ZNF264: variants seen among roughly 807,000 people sequenced by gnomAD.
The protein encoded by ZNF264 is zinc finger protein 264.
ZNF264 carries 11 observed loss-of-function variants against 11.2 expected under a neutral mutation model. The ratio of observed to expected loss-of-function variants is 0.98; its 90% CI spans 0.62 to 1.63. The LOEUF is 1.63. ZNF264 is among the 40% of genes most tolerant of loss of function. The probability of loss-of-function intolerance (pLI) is 0.00; values close to 1 mark genes in which losing one functional copy is unlikely to be tolerated. For synonymous variants in ZNF264, 309 were observed against 279.8 expected (o/e 1.10, Z -1.04); for missense variants, 752 against 768.1 (o/e 0.98, Z 0.25).
In ZNF264 at chr19:57,211,493, A is replaced by G. The variant is rs755627057; in HGVS notation, c.396A>G (p.Leu132=). The G allele has an allele frequency of 2.2e-5, 36 of 1,614,124 alleles. 1 individual carries two copies. Among genetic ancestry groups the G allele is most frequent in the Middle Eastern group, 1.6e-4 (1 of 6,062 alleles). ...QLGQAEDQDG[L]SEMQEGHFRP... is the part of the protein sequence containing the mutation. ...GGCAAGCCGAGGATCAGGATGGGCT[A>G]TCAGAAATGCAGGAAGGACACTTCA... The change falls in exon 4 of 4, where the codon CTA becomes CTG. Residue 132 remains leucine, a synonymous_variant. Coordinates refer to ENST00000263095, the MANE Select transcript of ZNF264 (RefSeq NM_003417.5).
chr19:57,191,590 G>T lies in ZNF264; in HGVS notation c.-324G>T. 1 of 321,480 alleles carries T rather than the reference G, an allele frequency of 3.1e-6. No individual in the cohort carries two copies. Among genetic ancestry groups the T allele is most frequent in the Non-Finnish European group, 5.6e-6 (1 of 177,252 alleles). 19.9% of individuals were successfully genotyped at this position (321,480 alleles called of 1,614,324 possible). ...GCAGGTCCCTAGTCAGGACCGAGCA[G>T]GGGAGTAGGATAGGAATCCCCGCCG... is the stretch of plus-strand genomic sequence containing the variant. On this transcript the variant is annotated 5_prime_UTR_variant, in exon 1 of 4. In the 5' UTR this introduces an upstream ATG that the reference lacks. Coordinates refer to ENST00000263095, the MANE Select transcript of ZNF264 (RefSeq NM_003417.5).
At chr19:57,192,067 G>GTGGAGC (rs2087177704) in intron 1 of ZNF264, 121 bp downstream of exon 1, 1 of 995,416 alleles carries the variant, frequency 1.0e-6, no homozygotes, top group African/African-American at 1.7e-5. Flanking sequence ...GCTTTGGTGT[G>GTGGAGC]TGGAGCTGGT....
At chr19:57,194,233 G>A (rs2087196077) in intron 2 of ZNF264, 2 of 540,826 alleles carry the variant, frequency 3.7e-6, no homozygotes. Context: ...AAAAGGAAAT[G>A]GGGTGTTTTG....
intron 3 of ZNF264, among the ~76,000 whole-genome samples, chr19:57,207,408 C>A (rs546934581): frequency 5.3e-5 from 8 of 152,256 alleles, no homozygotes; most frequent in African/African-American, 1.9e-4. Flanking sequence ...AGAGGTCTTG[C>A]CCCAGTCATG....
At chr19:57,206,381 C>CT (rs2087292576) in intron 3 of ZNF264, among the ~76,000 whole-genome samples, 1 of 151,888 alleles carries the variant, frequency 6.6e-6, no homozygotes, top group Non-Finnish European at 1.5e-5. Flanking sequence ...GTAGCTGGGA[C>CT]TACAGGCGCC....
chr19:57,196,527 T>G (rs894538841), intron 2 of ZNF264, among the ~76,000 whole-genome samples: 1 of 151,866 alleles, frequency 6.6e-6, no homozygotes, highest in Non-Finnish European at 1.5e-5. Context: ...TGTAGCCAGG[T>G]CAGCCTTGGT....
chr19:57,200,593 GTCTTT>G (rs2087245935), intron 2 of ZNF264, among the ~76,000 whole-genome samples: 1 of 142,734 alleles, frequency 7.0e-6, no homozygotes, highest in Admixed American at 7.3e-5. Flanking sequence ...GTCTTGTCTT[GTCTTT>G]TCTCTTTTCC....
At chr19:57,206,149 G>A (rs1461638324) in intron 3 of ZNF264, among the ~76,000 whole-genome samples, 2 of 152,222 alleles carry the variant, frequency 1.3e-5, no homozygotes, top group Non-Finnish European at 1.5e-5. Flanking sequence ...ACTGGGAAAT[G>A]TGGCTGAGCT....
At position 57,215,967 on chromosome 19, in the gene ZNF264, C is replaced by T. The variant is rs1387458720; in HGVS notation, c.*2986C>T. 1 of 152,178 alleles carries T rather than the reference C, an allele frequency of 6.6e-6. No homozygotes were observed. Among genetic ancestry groups the T allele is most frequent in the African/African-American group, 2.4e-5 (1 of 41,432 alleles). 9.4% of individuals were successfully genotyped at this position (152,178 alleles called of 1,614,324 possible). Reference sequence around the variant, plus strand: ...TACTGGGTGGAGTTTCTATAAATGTCTCTATGATCCTGCTCATTGTTATTC... The same window carrying T: ...TACTGGGTGGAGTTTCTATAAATGTTTCTATGATCCTGCTCATTGTTATTC... On this transcript the variant is annotated 3_prime_UTR_variant, in exon 4 of 4. Coordinates refer to ENST00000263095, the MANE Select transcript of ZNF264 (RefSeq NM_003417.5).
chr19:57,204,892 C>G (rs568228057), intron 2 of ZNF264, among the ~76,000 whole-genome samples: 9 of 152,214 alleles, frequency 5.9e-5, no homozygotes, highest in South Asian at 4.1e-4. Context: ...GGACCTGGGC[C>G]TTACTGACTC....
chr19:57,220,854 G>T lies in ZNF264; in HGVS notation c.*7873G>T, dbSNP rs1406128563. On this transcript the variant is annotated 3_prime_UTR_variant, in exon 4 of 4. Transcript: ENST00000263095. ...ACACGGGGTTTCACCATGTTGGCCAGGCTGGTCTCACACTCCTGACCTCAG... is the reference window on the plus strand; with the variant it reads ...ACACGGGGTTTCACCATGTTGGCCATGCTGGTCTCACACTCCTGACCTCAG... 6.6e-6 allele frequency: 1 copy of T among 152,156 alleles called. No individual in the cohort carries two copies. Among genetic ancestry groups the T allele is most frequent in the African/African-American group, 2.4e-5 (1 of 41,426 alleles). 9.4% of individuals were successfully genotyped at this position (152,156 alleles called of 1,614,324 possible).
rs748258449 is a variant in ZNF264 at position 57,212,419 on chromosome 19, CT to C, written c.1326del (p.Phe442LeufsTer128). The C allele has an allele frequency of 1.9e-6, 3 of 1,613,942 alleles. No homozygotes were observed. In the South Asian group the frequency reaches 3.3e-5, roughly 18 times the overall value. Reference sequence around the variant, plus strand: ...GGAAAGGCCTTCACCCACTGCTCTACTTTTATCTTGCATAAAAGGGCCCACA... The same window carrying C: ...GGAAAGGCCTTCACCCACTGCTCTACTTTATCTTGCATAAAAGGGCCCACA... ...ECGKAFTHCS[T>X]FILHKRAHTG... On this transcript the variant is annotated frameshift_variant, in exon 4 of 4. Transcript: ENST00000263095. LOFTEE classifies it low-confidence loss of function (END_TRUNC).
chr19:57,192,318 A>G, intron 1 of ZNF264: 1 of 984,196 alleles, frequency 1.0e-6, no homozygotes, highest in Non-Finnish European at 1.2e-6. Flanking sequence ...ATGTTTAAGG[A>G]GGCTCAGGAG....
intron 2 of ZNF264, among the ~76,000 whole-genome samples, chr19:57,199,176 T>TG (rs1181003543): frequency 1.3e-5 from 2 of 151,976 alleles, no homozygotes; most frequent in African/African-American, 2.4e-5. Context: ...TGCCACCACT[T>TG]GGCCCCTGCC....
chr19:57,218,452 G>GGTGTATT lies in ZNF264; in HGVS notation c.*5472_*5478dup, dbSNP rs2087395712. 1 of 152,208 alleles carries GGTGTATT rather than the reference G, an allele frequency of 6.6e-6. No homozygotes were observed. Among genetic ancestry groups the GGTGTATT allele is most frequent in the Non-Finnish European group, 1.5e-5 (1 of 68,048 alleles). 9.4% of individuals were successfully genotyped at this position (152,208 alleles called of 1,614,324 possible). ...GATGTGCGTGGCATGGAAGTTTTTG[G>GGTGTATT]GTGTATTCTATTTGGCGCTCCCTGG... On this transcript the variant is annotated 3_prime_UTR_variant, in exon 4 of 4. Coordinates refer to ENST00000263095, the MANE Select transcript of ZNF264 (RefSeq NM_003417.5).
chr19:57,205,621 T>C, intron 3 of ZNF264, 129 bp downstream of exon 3: 1 of 814,130 alleles, frequency 1.2e-6, no homozygotes, highest in Non-Finnish European at 2.0e-6. Context: ...TATAACTCTA[T>C]CACACTAGAA....
At position 57,212,148 on chromosome 19, in the gene ZNF264, G is replaced by A. The variant is rs1038081594; in HGVS notation, c.1051G>A (p.Val351Ile). 3 of 1,614,066 alleles carry A rather than the reference G, an allele frequency of 1.9e-6. No individual in the cohort carries two copies. The highest frequency in any genetic ancestry group is 2.5e-6 in the Non-Finnish European group (3 of 1,180,020). ...NPYECLECGK[V>I]FKHRSYLMWH... Reference sequence around the variant, plus strand: ...CTATGAGTGCTTGGAGTGTGGCAAGGTCTTCAAACACAGGTCATATCTCAT... The same window carrying A: ...CTATGAGTGCTTGGAGTGTGGCAAGATCTTCAAACACAGGTCATATCTCAT... Residue 351 changes from valine to isoleucine, a missense_variant, in exon 4 of 4, where the codon GTC becomes ATC. By Grantham distance (29) the Val-to-Ile change is conservative (BLOSUM62 3). Transcript: ENST00000263095.
At chr19:57,205,366 C>T (rs1343457907) in intron 2 of ZNF264, 31 bp from the exon 3 acceptor site, 3 of 1,580,176 alleles carry the variant, frequency 1.9e-6, no homozygotes, top group Non-Finnish European at 1.7e-6. Context: ...TCACCCACAT[C>T]CATGTGTCCA....
intron 3 of ZNF264, 123 bp downstream of exon 3, chr19:57,205,615 AC>A: frequency 1.2e-6 from 1 of 817,810 alleles, no homozygotes; most frequent in Non-Finnish European, 2.0e-6. Flanking sequence ...CTCTTATATA[AC>A]TCTATCACAC....
Sources: allele counts gnomAD v4.1 joint callset (sites outside exome capture counted in the v4.1 genomes callset), GRCh38; gene constraint gnomAD v4.1.1; transcripts MANE v1.5; gene names NCBI Gene and HGNC (gene_info 2026-07-23, HGNC 2026-07-21).